Variants in SMCO2 observed in about 807,000 individuals in gnomAD.
SMCO2 encodes the protein single-pass membrane and coiled-coil domain-containing protein 2.
A neutral mutation model predicts 29.5 loss-of-function variants in SMCO2; 25 were observed. That is an observed-to-expected ratio of 0.85 (90% confidence interval 0.62 to 1.18). The LOEUF (loss-of-function observed/expected upper bound fraction) is 1.18. Among genes scored for constraint, SMCO2 ranks in the 50% most tolerant of loss-of-function variants. SMCO2 has a pLI of 0.00. For missense variants in SMCO2, 348 were observed against 344.5 expected, an observed-to-expected ratio of 1.01 and a Z score of -0.08; for synonymous variants, 117 against 123.3, an observed-to-expected ratio of 0.95 and a Z score of 0.34.
the SMCO2 span, among the ~76,000 whole-genome samples, chr12:27,454,794 C>G: frequency 6.6e-6 from 1 of 152,194 alleles, no homozygotes; most frequent in African/African-American, 2.4e-5. Flanking sequence ...TCTCATCATT[C>G]AACTCCCACT....
At chr12:27,501,901 C>T in intron 7 of SMCO2, 22 bp from the exon 9 acceptor site, 1 of 1,491,944 alleles carries the variant, frequency 6.7e-7, no homozygotes, top group African/African-American at 1.4e-5. Context: ...TTGGTTAACA[C>T]AGATGTTTTC....
At chr12:27,482,969 C>T (rs1347776597) in intron 4 of SMCO2, among the ~76,000 whole-genome samples, 1 of 152,226 alleles carries the variant, frequency 6.6e-6, no homozygotes, top group East Asian at 1.9e-4. Flanking sequence ...TCAAGCAATC[C>T]TCCCTTCTTG....
At chr12:27,473,084 C>A in intron 3 of SMCO2, 1 of 480,786 alleles carries the variant, frequency 2.1e-6, no homozygotes, top group Middle Eastern at 5.2e-4. Context: ...GAAGGACTTA[C>A]TAGCCTTCCC....
At chr12:27,489,444 T>A (rs889860199) in intron 5 of SMCO2, among the ~76,000 whole-genome samples, 1 of 152,154 alleles carries the variant, frequency 6.6e-6, no homozygotes, top group Non-Finnish European at 1.5e-5. Flanking sequence ...TGGCTGATAG[T>A]TTTTCTGGCT....
At chr12:27,448,584 T>C in the SMCO2 span, among the ~76,000 whole-genome samples, 2 of 152,324 alleles carry the variant, frequency 1.3e-5, no homozygotes, top group African/African-American at 4.8e-5. Context: ...TTAAGCTCCT[T>C]AAGCCAGGCT....
chr12:27,467,323 G>C (rs1949505976), intron 1 of SMCO2, among the ~76,000 whole-genome samples: 1 of 152,130 alleles, frequency 6.6e-6, no homozygotes, highest in Non-Finnish European at 1.5e-5. Flanking sequence ...AATGGGGTAA[G>C]CACACAAGAA....
chr12:27,493,545 T>G (rs920562517), intron 5 of SMCO2, among the ~76,000 whole-genome samples: 1 of 151,668 alleles, frequency 6.6e-6, no homozygotes, highest in African/African-American at 2.4e-5. Flanking sequence ...AAAAAAAAAA[T>G]TAATTTCTAT....
chr12:27,442,979 A>G, the SMCO2 span, among the ~76,000 whole-genome samples: 1 of 152,196 alleles, frequency 6.6e-6, no homozygotes, highest in Non-Finnish European at 1.5e-5. Flanking sequence ...TTATTCTAGA[A>G]AATTGAAGAG....
At chr12:27,454,319 G>A in the SMCO2 span, among the ~76,000 whole-genome samples, 1 of 152,126 alleles carries the variant, frequency 6.6e-6, no homozygotes, top group Non-Finnish European at 1.5e-5. Flanking sequence ...TGTTTCCAAT[G>A]GGATTACATA....
intron 1 of SMCO2, among the ~76,000 whole-genome samples, chr12:27,468,585 A>G (rs1949516749): frequency 6.6e-6 from 1 of 152,266 alleles, no homozygotes; most frequent in African/African-American, 2.4e-5. Context: ...CCACATTTCA[A>G]GTACTCAATA....
intron 7 of SMCO2, among the ~76,000 whole-genome samples, chr12:27,500,487 CAAATTATCTTTGCTTTAGAAA>C (rs146803758): frequency 0.092 from 13,911 of 150,564 alleles, 1,325 homozygotes; most frequent in East Asian, 0.27. Context: ...CTCTGTTTTC[CAAATTATCTTTGCTTTAGAAA>C]ATTTGTTTTA....
Position 27,495,772 on chromosome 12 carries a change from A to G in SMCO2, c.600A>G (p.Ile200Met), listed in dbSNP as rs566187249. The G allele has an allele frequency of 1.7e-5, 26 of 1,541,300 alleles. 1 individual carries two copies. The highest frequency in any genetic ancestry group is 1.7e-4 in the Middle Eastern group (1 of 5,918). The change falls in exon 7 of 8, where the codon ATA (isoleucine) becomes ATG (methionine). Residue 200 changes from isoleucine (I) to methionine (M), a missense_variant. By Grantham distance (10) the Ile-to-Met change is conservative (BLOSUM62 1). Transcript: ENST00000298876. ...CTGACTCTCACAGTTCTGAGGAAAT[A>G]GATACGGAAGAGATGGAGGCCCTGC...
the SMCO2 span, among the ~76,000 whole-genome samples, chr12:27,448,086 T>C: frequency 6.6e-6 from 1 of 152,176 alleles, no homozygotes. Context: ...TAGTTATCAA[T>C]TAAATACATG....
intron 6 of SMCO2, 38 bp from the exon 8 acceptor site, chr12:27,495,642 G>C (rs1942990027): frequency 7.0e-7 from 1 of 1,425,342 alleles, no homozygotes; most frequent in Non-Finnish European, 9.3e-7. Flanking sequence ...GAGACATTTA[G>C]AATTTTTTTA....
At chr12:27,479,577 C>T (rs866133143) in intron 4 of SMCO2, among the ~76,000 whole-genome samples, 1 of 152,084 alleles carries the variant, frequency 6.6e-6, no homozygotes, top group Admixed American at 6.5e-5. Context: ...TGGCTGTGTC[C>T]CCGCCCAAAT....
chr12:27,439,503 C>T, the SMCO2 span, among the ~76,000 whole-genome samples: 5 of 152,072 alleles, frequency 3.3e-5, no homozygotes, highest in African/African-American at 4.8e-5. Flanking sequence ...AAGCAAAAAT[C>T]CAGTGACTGA....
At chr12:27,445,521 G>C in the SMCO2 span, among the ~76,000 whole-genome samples, 1 of 152,074 alleles carries the variant, frequency 6.6e-6, no homozygotes, top group Non-Finnish European at 1.5e-5. Flanking sequence ...CCTTAGTTTA[G>C]GATTCTAAAA....
intron 3 of SMCO2, among the ~76,000 whole-genome samples, chr12:27,473,880 A>T (rs1949561901): frequency 6.6e-6 from 1 of 152,230 alleles, no homozygotes; most frequent in African/African-American, 2.4e-5. Context: ...TTCAAGGATA[A>T]ATCATTGTCG....
At chr12:27,436,898 T>C in the SMCO2 span, among the ~76,000 whole-genome samples, 2 of 152,208 alleles carry the variant, frequency 1.3e-5, no homozygotes, top group Admixed American at 1.3e-4. Flanking sequence ...TCAGACTTTT[T>C]CACTCTCTTC....
Sources: allele counts gnomAD v4.1 joint callset (sites outside exome capture counted in the v4.1 genomes callset), GRCh38; gene constraint gnomAD v4.1.1; transcripts MANE v1.5; gene names NCBI Gene and HGNC (gene_info 2026-07-23, HGNC 2026-07-21).